DROSHA: variants seen among roughly 807,000 people sequenced by gnomAD.
DROSHA encodes drosha ribonuclease III, also known as ribonuclease 3.
A neutral mutation model predicts 181.9 loss-of-function variants in DROSHA; 56 were observed. The ratio of observed to expected loss-of-function variants is 0.31; its 90% CI spans 0.25 to 0.38. DROSHA has a LOEUF of 0.38. Among genes scored for constraint, DROSHA ranks in the 10% least tolerant of loss-of-function variants. The pLI is 1.00. For synonymous variants in DROSHA, 524 were observed against 591.2 expected, an observed-to-expected ratio of 0.89 and a Z score of 1.65; for missense variants, 1,218 against 1,743.5, an observed-to-expected ratio of 0.70 and a Z score of 5.37.
chr5:31,483,240 T>G lies in DROSHA; in HGVS notation c.2071+314A>C, dbSNP rs541541500. On this transcript the variant is annotated intron_variant, in intron 16 of 35. Transcript: ENST00000344624. ...ATATTGCATTTAAATTTTTTTATTG[T>G]TTTCCAATTAGCCATATGCATTTTT... 3.9e-5 allele frequency among the ~76,000 whole-genome samples: 6 copies of G among 152,320 alleles called. No individual in the cohort carries two copies. The East Asian group carries it at 1.2e-3, about 29-fold the overall frequency.
intron 20 of DROSHA, among the ~76,000 whole-genome samples, 186 bp from the exon 21 acceptor site, chr5:31,451,826 T>C (rs374213619): frequency 6.6e-6 from 1 of 152,194 alleles, no homozygotes; most frequent in African/African-American, 2.4e-5. Context: ...TAAGAGTATA[T>C]AGTCTCTAGA....
Position 31,431,609 on chromosome 5 carries a change from G to C in DROSHA, c.3112C>G (p.His1038Asp). 6.2e-7 allele frequency: 1 copy of C among 1,613,936 alleles called. No homozygotes were observed. Among genetic ancestry groups the C allele is most frequent in the Non-Finnish European group, 8.5e-7 (1 of 1,179,860 alleles). The change falls in exon 26 of 36, where the codon CAT becomes GAT. Residue 1038 changes from histidine to aspartate, a missense_variant. By Grantham distance (81) the His-to-Asp change is moderately conservative. This residue lies in a region of DROSHA where 71 missense variants were observed against 95.2 expected (regional missense o/e 0.75). Coordinates refer to ENST00000344624, the MANE Select transcript of DROSHA (RefSeq NM_001382508.1). ...PDLCRESDLR[H>D]AMANCFEALI... ...GCTTCAAAACAATTGGCCATTGCAT[G>C]TCGAAGGTCCGATTCTCTACAAAGG...
intron 20 of DROSHA, among the ~76,000 whole-genome samples, chr5:31,462,597 C>T (rs554363272): frequency 6.7e-6 from 1 of 148,172 alleles, no homozygotes; most frequent in South Asian, 2.1e-4. Flanking sequence ...GAATACAAAA[C>T]TGTACTGGAA....
intron 34 of DROSHA, among the ~76,000 whole-genome samples, chr5:31,406,168 A>AGAT (rs1441290254): frequency 6.6e-6 from 1 of 152,168 alleles, no homozygotes; most frequent in East Asian, 1.9e-4. Flanking sequence ...TTTCACCTAA[A>AGAT]GATGCTAGCG....
chr5:31,409,325 A>G lies in DROSHA; in HGVS notation c.3675T>C (p.Ile1225=). ...AATCCTTATCAATGTACAGCGCTGCAATAAATGCTGGGGAAAAAAGAATAC... is the reference window on the plus strand; with the variant it reads ...AATCCTTATCAATGTACAGCGCTGCGATAAATGCTGGGGAAAAAAGAATAC... ...KTLADLLESF[I]AALYIDKDLE... The change falls in exon 32 of 36, where the codon ATT becomes ATC. Residue 1225 remains isoleucine (I), a synonymous_variant. Coordinates refer to ENST00000344624, the MANE Select transcript of DROSHA (RefSeq NM_001382508.1). This position sits in a 1 kb window ranked among gnomAD's most constrained non-coding sequence, Gnocchi z 4.0. 2 of 1,574,114 alleles carry G rather than the reference A, an allele frequency of 1.3e-6. No individual in the cohort carries two copies. Among genetic ancestry groups the G allele is most frequent in the Non-Finnish European group, 1.7e-6 (2 of 1,158,746 alleles).
intron 6 of DROSHA, 128 bp from the exon 7 acceptor site, chr5:31,515,692 A>G: frequency 3.1e-6 from 4 of 1,307,084 alleles, no homozygotes; most frequent in Non-Finnish European, 4.1e-6. Flanking sequence ...AAGACTTCAC[A>G]AAACAGGGTC....
chr5:31,526,776 A>G lies in DROSHA; in HGVS notation c.157T>C (p.Tyr53His), dbSNP rs776826312. The G allele has an allele frequency of 1.2e-5, 20 of 1,600,340 alleles. No homozygotes were observed. Among genetic ancestry groups the G allele is most frequent in the Admixed American group, 7.2e-5 (4 of 55,906 alleles). The change falls in exon 5 of 36, where the codon TAT becomes CAT. Residue 53 changes from tyrosine (Y) to histidine (H), a missense_variant. Tyr to His is a moderately conservative substitution (Grantham distance 83). Around this residue, in one of 8 missense-constraint regions of DROSHA, gnomAD observed 536 missense variants for 535.4 expected, o/e 1.00. Transcript: ENST00000344624. ...GTGGAAGGGGCACTTGGAGGTTCAT[A>G]TTGATATTGCACAGGAGGCTGCTGA... ...HPQQPPVQYQ[Y>H]EPPSAPSTTF...
chr5:31,408,875 C>T (rs1390677204), intron 33 of DROSHA, 181 bp downstream of exon 33: 2 of 572,100 alleles, frequency 3.5e-6, no homozygotes, highest in Admixed American at 3.2e-5. Context: ...CTTATTACAG[C>T]TAAGAGTGAG....
In DROSHA at chr5:31,526,162, G is replaced by A. The variant is rs775656994; in HGVS notation, c.771C>T (p.Asp257=). ...TGTACCGGCTGTCTTGTCTTCTCCT[G>A]TCGGGACTGCGGCCTCGCTCCCGCC... The part of the protein sequence containing the change: ...LDRRERGRSP[D]RRRQDSRYRS... Residue 257 remains aspartate (D), a synonymous_variant, in exon 5 of 36, where the codon GAC becomes GAT. Coordinates refer to ENST00000344624, the MANE Select transcript of DROSHA (RefSeq NM_001382508.1). 1.2e-6 allele frequency: 2 copies of A among 1,613,838 alleles called. No homozygotes were observed. The highest frequency in any genetic ancestry group is 2.2e-5 in the South Asian group (2 of 91,058).
chr5:31,444,762 T>G (rs1051863767), intron 23 of DROSHA, among the ~76,000 whole-genome samples: 2 of 152,170 alleles, frequency 1.3e-5, no homozygotes, highest in Non-Finnish European at 2.9e-5. Context: ...TTAAGGGCTG[T>G]TTTAATTCAT....
chr5:31,447,836 TA>T (rs1044212157), intron 23 of DROSHA, among the ~76,000 whole-genome samples: 1 of 152,058 alleles, frequency 6.6e-6, no homozygotes, highest in African/African-American at 2.4e-5. Flanking sequence ...AGGGCTAGAA[TA>T]AAAAAGACAG....
chr5:31,472,894 T>C (rs961967480), intron 16 of DROSHA, among the ~76,000 whole-genome samples: 5 of 152,212 alleles, frequency 3.3e-5, no homozygotes, highest in East Asian at 1.9e-4. Context: ...AAGGGCATCA[T>C]TCAAGTACCT....
rs1268423959 is a variant in DROSHA at position 31,400,514 on chromosome 5, T to C, written c.*918A>G. The C allele has an allele frequency of 1.3e-5, 2 of 152,290 alleles. No homozygotes were observed. Among genetic ancestry groups the C allele is most frequent in the African/African-American group, 4.8e-5 (2 of 41,478 alleles). 9.4% of individuals were successfully genotyped at this position (152,290 alleles called of 1,614,324 possible). ...ACAGATTTGTTTTACAAAGAAGTTT[T>C]GCCTTTATTAATAAGAAACCAGTGA... On this transcript the variant is annotated 3_prime_UTR_variant, in exon 36 of 36. Transcript: ENST00000344624.
intron 23 of DROSHA, among the ~76,000 whole-genome samples, chr5:31,446,564 T>C (rs138360016): frequency 1.3e-5 from 2 of 150,170 alleles, no homozygotes; most frequent in East Asian, 2.0e-4. Flanking sequence ...TAAAACATTA[T>C]TGAAAAAATT....
At chr5:31,452,621 G>GAAC (rs989372547) in intron 20 of DROSHA, among the ~76,000 whole-genome samples, 2 of 152,178 alleles carry the variant, frequency 1.3e-5, no homozygotes, top group African/African-American at 4.8e-5. Flanking sequence ...AGTCTTTGAA[G>GAAC]TGTTTTAAGC....
chr5:31,496,733 G>A (rs1434104999), intron 11 of DROSHA, among the ~76,000 whole-genome samples: 2 of 152,194 alleles, frequency 1.3e-5, no homozygotes, highest in East Asian at 1.9e-4. Context: ...ACTGGGTGTT[G>A]AAGTCATGAG....
At chr5:31,421,047 T>C (rs767502290) in intron 30 of DROSHA, among the ~76,000 whole-genome samples, 36 of 152,308 alleles carry the variant, frequency 2.4e-4, no homozygotes, top group Non-Finnish European at 4.1e-4. Flanking sequence ...GAGGCCTAGC[T>C]CAATATTTTG....
intron 27 of DROSHA, among the ~76,000 whole-genome samples, chr5:31,426,418 G>T (rs1369813009): frequency 6.6e-6 from 1 of 152,176 alleles, no homozygotes; most frequent in East Asian, 1.9e-4. Flanking sequence ...GGCCTAGTGA[G>T]AAAGAATGAA....
At position 31,508,780 on chromosome 5, in the gene DROSHA, C is replaced by G; in HGVS notation, c.1433-5G>C. 1 of 1,609,034 alleles carries G rather than the reference C, an allele frequency of 6.2e-7. No individual in the cohort carries two copies. The highest frequency in any genetic ancestry group is 8.5e-7 in the Non-Finnish European group (1 of 1,177,544). On this transcript the variant is annotated splice_polypyrimidine_tract_variant and splice_region_variant and intron_variant, in intron 9 of 35. Transcript: ENST00000344624. Reference sequence around the variant, plus strand: ...ACTCGGATTCACTGGAACTCTCTAACAGGGGTTGGGAGAAAAATACAGAAA... The same window carrying G: ...ACTCGGATTCACTGGAACTCTCTAAGAGGGGTTGGGAGAAAAATACAGAAA...
Sources: allele counts gnomAD v4.1 joint callset (sites outside exome capture counted in the v4.1 genomes callset), GRCh38; gene constraint gnomAD v4.1.1; regional missense constraint gnomAD v4.1.1; non-coding constraint Gnocchi (gnomAD v3.1); transcripts MANE v1.5; gene names NCBI Gene and HGNC (gene_info 2026-07-23, HGNC 2026-07-21).